The following DCDC1 variants were observed in gnomAD, a reference collection of about 807,000 sequenced individuals.
DCDC1 encodes the protein doublecortin domain containing 1, also known as doublecortin domain-containing protein 1.
Under a neutral mutation model 178.3 loss-of-function variants are expected in DCDC1, and 200 were observed. The ratio of observed to expected loss-of-function variants is 1.12; its 90% CI spans 1.00 to 1.26. DCDC1 has a LOEUF of 1.26. Among genes scored for constraint, DCDC1 ranks in the 50% most tolerant of loss-of-function variants. The pLI is 0.00. For missense variants in DCDC1, 1,983 were observed against 1,749.2 expected, an observed-to-expected ratio of 1.13 and a Z score of -2.38; for synonymous variants, 690 against 604.8, an observed-to-expected ratio of 1.14 and a Z score of -2.07.
At chr11:30,938,686 A>T in intron 21 of DCDC1, among the ~76,000 whole-genome samples, 1 of 152,178 alleles carries the variant, frequency 6.6e-6, no homozygotes, top group East Asian at 1.9e-4. Context: ...ATCTGAGCCA[A>T]TCTTAGGCCA....
At chr11:30,909,199 A>T (rs944319352) in intron 28 of DCDC1, 83 bp from the exon 29 acceptor site, 1 of 1,244,812 alleles carries the variant, frequency 8.0e-7, no homozygotes, top group Non-Finnish European at 1.1e-6. Flanking sequence ...ATATCCAGAA[A>T]GTGCAGATAA....
rs1180307251 is a variant in DCDC1 at position 31,127,468 on chromosome 11, C to A, written c.1485+1G>T. On this transcript the variant is annotated splice_donor_variant, in intron 11 of 38. Coordinates refer to ENST00000684477, the MANE Select transcript of DCDC1 (RefSeq NM_001387274.1). LOFTEE classifies it high-confidence loss of function. ...AATGAGAGGCACAGAACGACACCCA[C>A]CTTAAGCTGCAGGCCTCCTGGGACA... The A allele has an allele frequency of 8.5e-6, 6 of 702,054 alleles. No individual in the cohort carries two copies. The highest frequency in any genetic ancestry group is 5.2e-6 in the Non-Finnish European group (2 of 384,472). 43.5% of individuals were successfully genotyped at this position (702,054 alleles called of 1,614,324 possible).
intron 20 of DCDC1, among the ~76,000 whole-genome samples, chr11:30,993,911 G>A (rs1450761256): frequency 2.0e-5 from 3 of 152,024 alleles, no homozygotes; most frequent in African/African-American, 7.2e-5. Flanking sequence ...GTTTATACCA[G>A]AACATAGAAG....
intron 38 of DCDC1, among the ~76,000 whole-genome samples, chr11:30,870,873 G>C (rs1303630240): frequency 6.6e-6 from 1 of 152,150 alleles, no homozygotes; most frequent in Non-Finnish European, 1.5e-5. Context: ...CAGCCTAGCT[G>C]ATTCTATTGC....
chr11:31,024,134 T>C (rs1953072480), intron 20 of DCDC1, among the ~76,000 whole-genome samples: 1 of 152,058 alleles, frequency 6.6e-6, no homozygotes, highest in African/African-American at 2.4e-5. Context: ...AATATCTATC[T>C]ATAGGATAAT....
At chr11:30,977,757 C>A (rs1284887615) in intron 20 of DCDC1, among the ~76,000 whole-genome samples, 1 of 151,972 alleles carries the variant, frequency 6.6e-6, no homozygotes, top group Non-Finnish European at 1.5e-5. Flanking sequence ...TAGTGAAACC[C>A]CATCTCTACA....
chr11:30,904,729 A>G lies in DCDC1; in HGVS notation c.4308+232T>C, dbSNP rs927983564. 63 of 561,130 alleles carry G rather than the reference A, an allele frequency of 1.1e-4. No individual in the cohort carries two copies. In the African/African-American group the frequency reaches 1.1e-3, roughly 10 times the overall value. The allele number at this position is 561,130 out of a possible 1,614,324, so 34.8% of individuals were successfully genotyped here. On this transcript the variant is annotated intron_variant, in intron 31 of 38. Coordinates refer to ENST00000684477, the MANE Select transcript of DCDC1 (RefSeq NM_001387274.1). ...CCTCTTTCTTATAGATCTCTGCTCT[A>G]GAGCCAATCTAAAAACTGAATTCTG...
intron 11 of DCDC1, among the ~76,000 whole-genome samples, chr11:31,111,780 T>C (rs915194625): frequency 1.2e-4 from 18 of 152,176 alleles, no homozygotes; most frequent in African/African-American, 4.3e-4. Context: ...ACAAGGTTAG[T>C]GTTGACAAAA....
At chr11:31,059,794 C>G (rs1955812844) in intron 20 of DCDC1, among the ~76,000 whole-genome samples, 1 of 152,010 alleles carries the variant, frequency 6.6e-6, no homozygotes, top group East Asian at 1.9e-4. Flanking sequence ...TTACCACCAA[C>G]TATATGCAAA....
At chr11:30,924,061 C>T (rs140988316) in intron 23 of DCDC1, among the ~76,000 whole-genome samples, 3 of 152,168 alleles carry the variant, frequency 2.0e-5, no homozygotes, top group Non-Finnish European at 4.4e-5. Flanking sequence ...TCACTCCTGG[C>T]TCCATCTTAT....
At chr11:30,870,548 G>T (rs551131322) in intron 38 of DCDC1, among the ~76,000 whole-genome samples, 1 of 152,134 alleles carries the variant, frequency 6.6e-6, no homozygotes, top group Non-Finnish European at 1.5e-5. Context: ...TACATTAAAC[G>T]AGAGGCAAGG....
chr11:31,345,995 T>C (rs1375776016), intron 1 of DCDC1, among the ~76,000 whole-genome samples: 1 of 152,174 alleles, frequency 6.6e-6, no homozygotes, highest in Non-Finnish European at 1.5e-5. Flanking sequence ...CACATTAATG[T>C]CACTAAAATA....
At chr11:31,095,832 C>T (rs577153014) in intron 15 of DCDC1, among the ~76,000 whole-genome samples, 12 of 152,228 alleles carry the variant, frequency 7.9e-5, no homozygotes, top group Non-Finnish European at 1.6e-4. Flanking sequence ...CTAAATTATA[C>T]GATCACTTTC....
chr11:30,884,445 G>A (rs924235626), intron 36 of DCDC1, among the ~76,000 whole-genome samples: 2 of 152,102 alleles, frequency 1.3e-5, no homozygotes, highest in African/African-American at 4.8e-5. Flanking sequence ...AAGAGAAACA[G>A]TTCCTTTAAA....
chr11:31,283,496 C>T lies in DCDC1; in HGVS notation c.960+7151G>A, dbSNP rs544355292. On this transcript the variant is annotated intron_variant, in intron 7 of 38. Transcript: ENST00000684477. ...TTCATGTTTTTTTTTAATACGTGAACATATTTATAATCACTGTTTAAATGT... is the reference window on the plus strand; with the variant it reads ...TTCATGTTTTTTTTTAATACGTGAATATATTTATAATCACTGTTTAAATGT... 9.2e-5 allele frequency among the ~76,000 whole-genome samples: 14 copies of T among 151,862 alleles called. No individual in the cohort carries two copies. The East Asian group carries it at 2.3e-3, about 25-fold the overall frequency.
chr11:31,073,886 C>T (rs1956712200), intron 18 of DCDC1, among the ~76,000 whole-genome samples: 1 of 152,116 alleles, frequency 6.6e-6, no homozygotes, highest in South Asian at 2.1e-4. Context: ...TATTATAACA[C>T]ATTTTTATAT....
chr11:31,165,437 G>A (rs925452433), intron 9 of DCDC1, among the ~76,000 whole-genome samples: 52 of 151,578 alleles, frequency 3.4e-4, no homozygotes, highest in African/African-American at 1.2e-3. Flanking sequence ...TCAGCTTTTT[G>A]AGCAGTTGGG....
At chr11:31,346,301 A>C (rs1950807477) in intron 1 of DCDC1, among the ~76,000 whole-genome samples, 1 of 151,914 alleles carries the variant, frequency 6.6e-6, no homozygotes, top group Admixed American at 6.6e-5. Context: ...CTCTACTAAA[A>C]ATACAAAAAA....
chr11:31,139,906 A>G (rs1963606745), intron 9 of DCDC1, among the ~76,000 whole-genome samples: 1 of 152,242 alleles, frequency 6.6e-6, no homozygotes, highest in Non-Finnish European at 1.5e-5. Flanking sequence ...TAAGAAATAA[A>G]TGGTCATCAA....
Sources: allele counts gnomAD v4.1 joint callset (sites outside exome capture counted in the v4.1 genomes callset), GRCh38; gene constraint gnomAD v4.1.1; transcripts MANE v1.5; gene names NCBI Gene and HGNC (gene_info 2026-07-23, HGNC 2026-07-21).